Variants in MIAT observed in about 807,000 individuals in gnomAD.
The protein encoded by MIAT is MI related novel mRNA.
chr22:26,665,958 T>C, exon 4 of MIAT: 1 of 398,666 alleles, frequency 2.5e-6, no homozygotes, highest in Non-Finnish European at 4.4e-6. Flanking sequence ...GAACCAGCCC[T>C]TCTCTTCTCA....
chr22:26,654,152 T>G (rs1162585714), intron 2 of MIAT, among the ~76,000 whole-genome samples: 1 of 152,232 alleles, frequency 6.6e-6, no homozygotes, highest in Non-Finnish European at 1.5e-5. Flanking sequence ...TTTTGCTAGC[T>G]CTTTAAGTAA....
At chr22:26,676,081 A>T (rs996550911) in exon 5 of MIAT, 33 of 398,544 alleles carry the variant, frequency 8.3e-5, no homozygotes, top group Admixed American at 5.7e-4. Flanking sequence ...AGAGCTGAGG[A>T]ATTGGCCTCC....
intron 2 of MIAT, among the ~76,000 whole-genome samples, chr22:26,649,685 C>A (rs937494099): frequency 4.6e-5 from 7 of 152,176 alleles, no homozygotes; most frequent in African/African-American, 1.7e-4. Context: ...GACACTGAGG[C>A]GGGTGGATCA....
intron 2 of MIAT, among the ~76,000 whole-genome samples, chr22:26,663,073 A>C (rs191379780): frequency 6.6e-6 from 1 of 152,232 alleles, no homozygotes; most frequent in East Asian, 1.9e-4. Context: ...TCAAGGTCAC[A>C]CAGTTTGCCG....
chr22:26,668,929 G>C (rs1447068571), exon 6 of MIAT: 1 of 398,556 alleles, frequency 2.5e-6, no homozygotes, highest in Non-Finnish European at 4.4e-6. Context: ...ATTTAGGCTA[G>C]GGAAATTCAC....
intron 2 of MIAT, among the ~76,000 whole-genome samples, chr22:26,656,839 C>CGGGG (rs151057042): frequency 2.0e-5 from 3 of 152,050 alleles, no homozygotes; most frequent in African/African-American, 7.2e-5. Flanking sequence ...CCCAGGAGTT[C>CGGGG]GGGGGGGTGC....
intron 2 of MIAT, chr22:26,657,371 T>G (rs555729462): frequency 8.8e-6 from 3 of 340,130 alleles, no homozygotes; most frequent in African/African-American, 3.1e-5. Context: ...AGGGGTTGGG[T>G]GTGAGGTTGT....
chr22:26,657,852 C>T (rs1930517923), intron 2 of MIAT, among the ~76,000 whole-genome samples: 1 of 152,188 alleles, frequency 6.6e-6, no homozygotes, highest in South Asian at 2.1e-4. Context: ...TCAAACACAG[C>T]CAAGACTCTG....
At chr22:26,663,565 C>T (rs1036898029) in intron 3 of MIAT, 7 of 390,270 alleles carry the variant, frequency 1.8e-5, no homozygotes, top group South Asian at 1.4e-4. Context: ...GTGGCTTTCC[C>T]GACTGACCTT....
intron 2 of MIAT, among the ~76,000 whole-genome samples, chr22:26,659,163 T>TG (rs1298570858): frequency 6.6e-6 from 1 of 152,096 alleles, no homozygotes; most frequent in Non-Finnish European, 1.5e-5. Flanking sequence ...ATCCTGCAGG[T>TG]GGGCAGATGC....
At chr22:26,664,172 C>T (rs1473723000) in intron 3 of MIAT, among the ~76,000 whole-genome samples, 4 of 151,862 alleles carry the variant, frequency 2.6e-5, no homozygotes, top group Non-Finnish European at 4.4e-5. Context: ...CCACCACACC[C>T]GGCTGATTTT....
intron 2 of MIAT, chr22:26,657,438 C>A (rs934825475): frequency 5.0e-6 from 2 of 398,466 alleles, no homozygotes; most frequent in African/African-American, 4.1e-5. Context: ...GGGGCGCCTC[C>A]GCCCGCCAGC....
At chr22:26,653,303 C>T (rs929365044) in intron 2 of MIAT, among the ~76,000 whole-genome samples, 2 of 152,184 alleles carry the variant, frequency 1.3e-5, no homozygotes, top group Non-Finnish European at 2.9e-5. Context: ...GGGTCCACTC[C>T]TTCCTTGCGT....
intron 3 of MIAT, among the ~76,000 whole-genome samples, chr22:26,665,247 AAAAG>A (rs10529015): frequency 0.022 from 3,151 of 144,224 alleles, 130 homozygotes; most frequent in Admixed American, 0.098. Flanking sequence ...TCTCCAGAAA[AAAAG>A]AAAGAAAGAA....
At chr22:26,669,728 A>T, downstream of MIAT, 1 of 399,290 alleles carries the variant, frequency 2.5e-6, no homozygotes, top group Non-Finnish European at 4.4e-6. Context: ...GGAGGAGCAG[A>T]GAGGTATGGG....
chr22:26,648,352 C>T (rs1930275002), intron 2 of MIAT, among the ~76,000 whole-genome samples: 1 of 152,148 alleles, frequency 6.6e-6, no homozygotes, highest in African/African-American at 2.4e-5. Context: ...AGACACGGCC[C>T]TGCACGCACG....
chr22:26,651,396 A>G (rs995851109), intron 2 of MIAT, among the ~76,000 whole-genome samples: 2 of 152,166 alleles, frequency 1.3e-5, no homozygotes, highest in African/African-American at 4.8e-5. Flanking sequence ...CCCTTCCTCC[A>G]AGGGCTACAG....
exon 1 of MIAT, chr22:26,646,916 C>T: frequency 2.5e-6 from 1 of 398,592 alleles, no homozygotes; most frequent in Non-Finnish European, 4.4e-6. Context: ...AACAGATGTT[C>T]AGAGCAAGAG....
At chr22:26,651,505 G>T (rs1411341530) in intron 2 of MIAT, among the ~76,000 whole-genome samples, 1 of 152,230 alleles carries the variant, frequency 6.6e-6, no homozygotes, top group Non-Finnish European at 1.5e-5. Context: ...CTAAGGCAAG[G>T]TGGGGGAATA....
Sources: gnomAD v4.1 joint callset for allele counts (sites outside exome capture counted in the v4.1 genomes callset) on GRCh38, gnomAD v4.1.1 for gene constraint, MANE v1.5 for transcripts, NCBI Gene and HGNC (gene_info 2026-07-23, HGNC 2026-07-21) for gene names.